The following PDE4DIP variants were observed in gnomAD, a reference collection of about 807,000 sequenced individuals.
PDE4DIP encodes the protein phosphodiesterase 4D interacting protein, also known as myomegalin.
PDE4DIP carries 59 observed loss-of-function variants against 221.4 expected under a neutral mutation model. The observed-to-expected ratio is 0.27, with a 90% confidence interval of 0.22 to 0.33. The LOEUF is 0.33. Ranked by LOEUF, PDE4DIP falls within the 10% of genes least tolerant of loss-of-function variation. The pLI, the probability that PDE4DIP is intolerant of heterozygous loss-of-function variation, is 1.00. For synonymous variants in PDE4DIP, 404 were observed against 815.9 expected (o/e 0.50, Z 8.60); for missense variants, 1,036 against 2,154.2 (o/e 0.48, Z 10.28).
chr1:149,020,036 C>A, intron 35 of PDE4DIP, 111 bp from the exon 39 acceptor site: 1 of 586,906 alleles, frequency 1.7e-6, no homozygotes, highest in Non-Finnish European at 3.1e-6. Flanking sequence ...AACATAGGGC[C>A]TTCCTTCCCT....
chr1:148,967,740 C>T (rs1293741588), exon 13 of PDE4DIP: 1 of 1,573,852 alleles, frequency 6.4e-7, no homozygotes, highest in African/African-American at 1.3e-5. Flanking sequence ...TGGAGAGTCT[C>T]CTGAGGGCCA....
intron 1 of PDE4DIP, among the ~76,000 whole-genome samples, chr1:148,821,249 C>T (rs1553360655): frequency 1.4e-5 from 2 of 147,800 alleles, no homozygotes; most frequent in African/African-American, 5.1e-5. Context: ...ATTCCTGCCC[C>T]TTCTGAGCCT....
At chr1:149,030,365 G>T in intron 43 of PDE4DIP, 87 bp downstream of exon 46, 1 of 1,544,402 alleles carries the variant, frequency 6.5e-7, no homozygotes, top group Non-Finnish European at 8.7e-7. Context: ...GTGACCCTTG[G>T]CCTGCTTTGG....
chr1:148,953,132 T>C, intron 5 of PDE4DIP: 9 of 1,614,070 alleles, frequency 5.6e-6, no homozygotes, highest in Non-Finnish European at 7.6e-6. Context: ...GGTTGACATG[T>C]CCGTCTTACC....
intron 43 of PDE4DIP, 26 bp from the exon 47 acceptor site, chr1:149,031,918 T>A (rs1454383111): frequency 2.4e-5 from 38 of 1,594,028 alleles, no homozygotes; most frequent in Non-Finnish European, 3.2e-5. Flanking sequence ...ATACACTGAT[T>A]TGGTTTGTTT....
chr1:148,920,030 T>G lies in PDE4DIP; in HGVS notation c.142-9167T>G, dbSNP rs587601272. On this transcript the variant is annotated intron_variant, in intron 1 of 43. Transcript: ENST00000369354. ...ATGATGCCAAGAAAAGCACTTAGGT[T>G]TTGGCAATCTTTAATCTCCAATACT... is the stretch of plus-strand genomic sequence containing the variant. 7.6e-4 allele frequency among the ~76,000 whole-genome samples: 111 copies of G among 145,898 alleles called. 1 individual carries two copies. The highest frequency in any genetic ancestry group is 2.7e-3 in the African/African-American group (105 of 38,276).
rs782687584 is a variant in PDE4DIP at position 148,967,931 on chromosome 1, A to G, written c.1785+26A>G. On this transcript the variant is annotated intron_variant, in intron 13 of 43. Coordinates refer to ENST00000369354, the Ensembl canonical transcript of PDE4DIP. ...GCAAGACTTCAGTTAACTTTAAGGC[A>G]GTTGGTTCAGTGATTATGTAATCTC... 1.1e-5 allele frequency: 9 copies of G among 790,114 alleles called. No homozygotes were observed. The East Asian group carries it at 2.2e-4, about 19-fold the overall frequency. 48.9% of individuals were successfully genotyped at this position (790,114 alleles called of 1,614,324 possible). A position where few individuals can be genotyped will look rare whatever the true frequency, so the allele number is the denominator to read the frequency against.
intron 39 of PDE4DIP, among the ~76,000 whole-genome samples, chr1:149,027,051 ATCTC>A (rs1171682473): frequency 6.6e-6 from 1 of 150,908 alleles, no homozygotes; most frequent in Non-Finnish European, 1.5e-5. Flanking sequence ...TTGCACCATA[ATCTC>A]TCTATTCTTG....
At chr1:149,000,006 C>G (rs1187849166) in intron 23 of PDE4DIP, among the ~76,000 whole-genome samples, 1 of 151,686 alleles carries the variant, frequency 6.6e-6, no homozygotes, top group Non-Finnish European at 1.5e-5. Context: ...CTCTTTATCC[C>G]CTTTCCACAT....
At chr1:149,001,257 G>T (rs1396348528) in intron 23 of PDE4DIP, among the ~76,000 whole-genome samples, 1 of 149,348 alleles carries the variant, frequency 6.7e-6, no homozygotes, top group Non-Finnish European at 1.5e-5. Context: ...TTTTTTAACA[G>T]TGTAAGTACT....
At position 148,983,691 on chromosome 1, in the gene PDE4DIP, G is replaced by C. The variant is rs2061462307; in HGVS notation, c.2815+2294G>C. 10 of 152,462 alleles carry C rather than the reference G, an allele frequency of 6.6e-5. No homozygotes were observed. The South Asian group carries it at 2.1e-3, about 32-fold the overall frequency. 9.4% of individuals were successfully genotyped at this position (152,462 alleles called of 1,614,324 possible). ...ATTCCATTTTCTCTACAGGAGCACA[G>C]ACTCTTTCTCATACTGGATTATTTT... On this transcript the variant is annotated intron_variant, in intron 21 of 43. Coordinates refer to ENST00000369354, the Ensembl canonical transcript of PDE4DIP.
chr1:148,923,675 G>A lies in PDE4DIP; in HGVS notation c.142-5522G>A, dbSNP rs2046015914. On this transcript the variant is annotated intron_variant, in intron 1 of 43. Coordinates refer to ENST00000369354, the Ensembl canonical transcript of PDE4DIP. ...TTTTTAGTAGAGACGGGGTTTCACC[G>A]TGTTAGGCAGGATGGTCTCGATCTC... Among the ~76,000 whole-genome samples, 4 of 144,868 alleles carry A rather than the reference G, an allele frequency of 2.8e-5. 1 individual carries two copies. Among genetic ancestry groups the A allele is most frequent in the Admixed American group, 1.4e-4 (2 of 14,742 alleles).
intron 32 of PDE4DIP, among the ~76,000 whole-genome samples, chr1:149,013,129 A>T (rs1236946935): frequency 6.6e-6 from 1 of 152,236 alleles, no homozygotes; most frequent in African/African-American, 2.4e-5. Flanking sequence ...TGCAGGATGA[A>T]GTGGCCAAGA....
At chr1:148,960,130 C>T (rs1316375616) in intron 5 of PDE4DIP, among the ~76,000 whole-genome samples, 1 of 152,304 alleles carries the variant, frequency 6.6e-6, no homozygotes, top group African/African-American at 2.4e-5. Flanking sequence ...GTACAATTAT[C>T]AAATTTAGAA....
intron 20 of PDE4DIP, 28 bp from the exon 24 acceptor site, chr1:148,981,242 T>C: frequency 6.2e-7 from 1 of 1,611,272 alleles, no homozygotes. Flanking sequence ...GCTAATCCAC[T>C]TTCCTTCCAT....
chr1:148,944,335 G>A, intron 5 of PDE4DIP, among the ~76,000 whole-genome samples: 1 of 150,982 alleles, frequency 6.6e-6, no homozygotes, highest in African/African-American at 2.4e-5. Context: ...GTTCAGGGTA[G>A]AGAAGTAGTA....
intron 32 of PDE4DIP, among the ~76,000 whole-genome samples, chr1:149,015,768 A>G (rs1260030497): frequency 6.6e-6 from 1 of 151,776 alleles, no homozygotes; most frequent in Non-Finnish European, 1.5e-5. Context: ...AGAGTTCTTC[A>G]GTCTGGAGGA....
At chr1:148,949,668 T>G (rs1393067465) in intron 5 of PDE4DIP, among the ~76,000 whole-genome samples, 1 of 152,144 alleles carries the variant, frequency 6.6e-6, no homozygotes. Flanking sequence ...TCACATAATT[T>G]TTGTTTTATT....
At chr1:148,827,243 T>TC (rs1670764162) in intron 1 of PDE4DIP, among the ~76,000 whole-genome samples, 1 of 79,080 alleles carries the variant, frequency 1.3e-5, no homozygotes, top group Non-Finnish European at 2.6e-5. Context: ...GGTGTTATAT[T>TC]CTTTTTTTTT....
Sources: allele counts gnomAD v4.1 joint callset (sites outside exome capture counted in the v4.1 genomes callset), GRCh38; gene constraint gnomAD v4.1.1; transcripts MANE v1.5; gene names NCBI Gene and HGNC (gene_info 2026-07-23, HGNC 2026-07-21).